PRKN: variants seen among roughly 807,000 people sequenced by gnomAD.
PRKN encodes E3 ubiquitin-protein ligase parkin.
In PRKN, 56 loss-of-function variants were observed where a neutral mutation model predicts 59.5. The ratio of observed to expected loss-of-function variants is 0.94; its 90% CI spans 0.76 to 1.18. PRKN has a LOEUF of 1.18. PRKN is among the 50% of genes most tolerant of loss of function. The pLI is 0.00. For synonymous variants in PRKN, 250 were observed against 222.1 expected (o/e 1.13, Z -1.12); for missense variants, 657 against 596.4 (o/e 1.10, Z -1.06).
chr6:161,569,336 C>T lies in PRKN; in HGVS notation c.933+19G>A. The stretch of plus-strand genomic sequence containing the variant: ...ATCTTTCATGACAGTCTGATGCAGC[C>T]TTTGAGATGCTCACTCACCTGCTCT... On this transcript the variant is annotated intron_variant, in intron 8 of 11. Coordinates refer to ENST00000366898, the MANE Select transcript of PRKN (RefSeq NM_004562.3). The T allele has an allele frequency of 3.7e-6, 6 of 1,609,136 alleles. No homozygotes were observed. The highest frequency in any genetic ancestry group is 1.1e-5 in the South Asian group (1 of 90,976).
At chr6:162,419,195 C>T (rs1195991063) in intron 2 of PRKN, among the ~76,000 whole-genome samples, 1 of 152,036 alleles carries the variant, frequency 6.6e-6, no homozygotes, top group African/African-American at 2.4e-5. Context: ...CTTCTAGTAC[C>T]TGTAAGGAAG....
intron 1 of PRKN, among the ~76,000 whole-genome samples, chr6:162,619,904 C>CT (rs1476156698): frequency 6.6e-6 from 1 of 152,076 alleles, no homozygotes; most frequent in Non-Finnish European, 1.5e-5. Context: ...CTACAATGCA[C>CT]TTTATTAGTT....
At chr6:162,016,821 C>T (rs1034230088) in intron 5 of PRKN, among the ~76,000 whole-genome samples, 5 of 152,288 alleles carry the variant, frequency 3.3e-5, no homozygotes, top group Admixed American at 3.3e-4. Flanking sequence ...GCAGCCCTCA[C>T]TGCTCATCTC....
chr6:161,857,638 A>T (rs1322590661), intron 6 of PRKN, among the ~76,000 whole-genome samples: 1 of 152,226 alleles, frequency 6.6e-6, no homozygotes, highest in African/African-American at 2.4e-5. Context: ...ATGTTGAGAC[A>T]CAGCTCACAT....
intron 2 of PRKN, among the ~76,000 whole-genome samples, chr6:162,401,889 G>C (rs957587246): frequency 1.3e-5 from 2 of 152,092 alleles, no homozygotes; most frequent in African/African-American, 4.8e-5. Context: ...GAAGCAAACA[G>C]TTATTTTGGA....
Position 161,554,705 on chromosome 6 carries a change from A to G in PRKN, c.934-5702T>C, listed in dbSNP as rs1407688688. 7.1e-6 allele frequency among the ~76,000 whole-genome samples: 1 copy of G among 140,106 alleles called. No homozygotes were observed. Among genetic ancestry groups the G allele is most frequent in the African/African-American group, 2.7e-5 (1 of 36,686 alleles). 91.9% of individuals were successfully genotyped at this position (140,106 alleles called of 152,430 possible). A position where few individuals can be genotyped will look rare whatever the true frequency, so the allele number is the denominator to read the frequency against. On this transcript the variant is annotated intron_variant, in intron 8 of 11. Coordinates refer to ENST00000366898, the MANE Select transcript of PRKN (RefSeq NM_004562.3). The surrounding 1 kb of genome is among the most constrained non-coding windows in gnomAD (Gnocchi z 4.5). ...AGGAATATACAATCCTGATATACAT[A>G]CAGGGATTGTGTGTGTGTGTGTGTG...
rs554772032 is a variant in PRKN at position 162,256,466 on chromosome 6, T to C, written c.412+6059A>G. ...ACCACTTAATTTGAAATTTTTTCTT[T>C]ATCTTCCCTTTAAGAAAGTGGAATC... On this transcript the variant is annotated intron_variant, in intron 3 of 11. Transcript: ENST00000366898. Among the ~76,000 whole-genome samples the C allele has an allele frequency of 1.4e-4, 21 of 152,304 alleles. 2 individuals carry two copies. Among genetic ancestry groups the C allele is most frequent in the Middle Eastern group, 3.4e-3 (1 of 294 alleles).
At chr6:162,366,363 C>A (rs1260035810) in intron 2 of PRKN, among the ~76,000 whole-genome samples, 1 of 151,990 alleles carries the variant, frequency 6.6e-6, no homozygotes, top group South Asian at 2.1e-4. Flanking sequence ...GATCTTATAT[C>A]CAAATGGGAT....
intron 1 of PRKN, among the ~76,000 whole-genome samples, chr6:162,650,063 C>G (rs1778359298): frequency 6.6e-6 from 1 of 152,186 alleles, no homozygotes; most frequent in South Asian, 2.1e-4. Flanking sequence ...CCATTTATCA[C>G]TGTTAAGATT....
chr6:161,571,668 G>C (rs558199584), intron 7 of PRKN, among the ~76,000 whole-genome samples: 5 of 152,336 alleles, frequency 3.3e-5, no homozygotes, highest in Admixed American at 6.5e-5. Flanking sequence ...TACTGGGTAT[G>C]ATGATGAATT....
rs1026619182 is a variant in PRKN, at chr6:161,546,914, C to A, written c.1083+1940G>T. Among the ~76,000 whole-genome samples, 6 of 152,074 alleles carry A rather than the reference C, an allele frequency of 3.9e-5. No individual in the cohort carries two copies. Among genetic ancestry groups the A allele is most frequent in the African/African-American group, 1.4e-4 (6 of 41,400 alleles). ...CCTTCTGACAACAGCCAGTGAGGAA[C>A]TGAGGACTTTTTTTGCCAACAGTCA... On this transcript the variant is annotated intron_variant, in intron 9 of 11. Coordinates refer to ENST00000366898, the MANE Select transcript of PRKN (RefSeq NM_004562.3). This position sits in a 1 kb window ranked among gnomAD's most constrained non-coding sequence, Gnocchi z 4.4.
At chr6:162,118,484 G>A (rs1219107967) in intron 4 of PRKN, among the ~76,000 whole-genome samples, 1 of 152,060 alleles carries the variant, frequency 6.6e-6, no homozygotes, top group Admixed American at 6.6e-5. Flanking sequence ...AAAATTAAAT[G>A]CTTCCCCTAG....
chr6:162,245,768 T>C (rs1779169943), intron 3 of PRKN, among the ~76,000 whole-genome samples: 1 of 152,158 alleles, frequency 6.6e-6, no homozygotes, highest in Admixed American at 6.6e-5. Flanking sequence ...AATAATCTAT[T>C]TCCCTTTGGT....
rs373396041 is a variant in PRKN, at chr6:161,485,831, T to G, written c.1083+63023A>C. Among the ~76,000 whole-genome samples the G allele has an allele frequency of 4.6e-5, 7 of 151,974 alleles. No homozygotes were observed. The South Asian group carries it at 8.3e-4, about 18-fold the overall frequency. Reference sequence around the variant, plus strand: ...TATATATATTGCTTTATATTGAAATTTCATGGAATTATTTTAGCTCTTAAA... The same window carrying G: ...TATATATATTGCTTTATATTGAAATGTCATGGAATTATTTTAGCTCTTAAA... On this transcript the variant is annotated intron_variant, in intron 9 of 11. Transcript: ENST00000366898.
intron 2 of PRKN, among the ~76,000 whole-genome samples, chr6:162,276,701 G>GTGTC (rs35704735): frequency 0.072 from 10,820 of 150,270 alleles, 957 homozygotes; most frequent in East Asian, 0.49. Context: ...GTGTGTGTGT[G>GTGTC]TGTGTCTGTG....
chr6:161,836,770 T>A (rs1792774307), intron 6 of PRKN, among the ~76,000 whole-genome samples: 1 of 152,088 alleles, frequency 6.6e-6, no homozygotes, highest in South Asian at 2.1e-4. Context: ...CCTCCCTTCC[T>A]CTACTAAAGC....
intron 2 of PRKN, among the ~76,000 whole-genome samples, chr6:162,432,183 A>G (rs189856233): frequency 7.2e-5 from 11 of 152,312 alleles, no homozygotes; most frequent in African/African-American, 2.6e-4. Flanking sequence ...TGAACTCACC[A>G]GCTATATACA....
intron 6 of PRKN, among the ~76,000 whole-genome samples, chr6:161,960,942 C>T (rs765127578): frequency 2.6e-5 from 4 of 152,164 alleles, no homozygotes; most frequent in Non-Finnish European, 5.9e-5. Flanking sequence ...TAACCCTAAT[C>T]ACTATTACCT....
At chr6:162,695,440 T>G (rs2128235853) in intron 1 of PRKN, among the ~76,000 whole-genome samples, 1 of 152,276 alleles carries the variant, frequency 6.6e-6, no homozygotes, top group East Asian at 1.9e-4. Flanking sequence ...TTACTAAATT[T>G]ATAGCCCCAT....
Sources: allele counts gnomAD v4.1 joint callset (sites outside exome capture counted in the v4.1 genomes callset), GRCh38; gene constraint gnomAD v4.1.1; non-coding constraint Gnocchi (gnomAD v3.1); transcripts MANE v1.5; gene names NCBI Gene and HGNC (gene_info 2026-07-23, HGNC 2026-07-21).